Variants in PDE4D observed in about 807,000 individuals in gnomAD.
PDE4D encodes phosphodiesterase 4D.
Under a neutral mutation model 87.4 loss-of-function variants are expected in PDE4D, and 24 were observed. The observed-to-expected ratio is 0.27, with a 90% CI of 0.20 to 0.39. The LOEUF (loss-of-function observed/expected upper bound fraction) is 0.39, where lower values mean the gene tolerates loss of function less well. PDE4D is among the 10% of genes least tolerant of loss of function. The pLI is 1.00. For synonymous variants in PDE4D, 384 were observed against 383.2 expected (o/e 1.00, Z -0.02); for missense variants, 714 against 1,041.0 (o/e 0.69, Z 4.32).
chr5:60,251,330 G>T (rs1294118630), intron 1 of PDE4D, among the ~76,000 whole-genome samples: 5 of 151,794 alleles, frequency 3.3e-5, no homozygotes, highest in Non-Finnish European at 7.4e-5. Flanking sequence ...GGTACCTGCT[G>T]GTTATTTTCC....
chr5:59,410,400 C>T (rs1012550364), intron 1 of PDE4D, among the ~76,000 whole-genome samples: 1 of 152,124 alleles, frequency 6.6e-6, no homozygotes. Context: ...GCATGCACCA[C>T]CATGACTGGC....
At chr5:59,130,266 AC>A (rs1776085924) in intron 5 of PDE4D, among the ~76,000 whole-genome samples, 1 of 152,218 alleles carries the variant, frequency 6.6e-6, no homozygotes, top group Non-Finnish European at 1.5e-5. Flanking sequence ...TCTCCCTGAG[AC>A]AAACATCCAA....
intron 5 of PDE4D, among the ~76,000 whole-genome samples, chr5:59,105,191 C>T (rs1467279981): frequency 6.6e-6 from 1 of 152,182 alleles, no homozygotes; most frequent in Admixed American, 6.5e-5. Context: ...AAGATGTGTG[C>T]TTAACTTAGA....
At chr5:60,198,619 G>C (rs1212878717) in intron 1 of PDE4D, among the ~76,000 whole-genome samples, 1 of 151,548 alleles carries the variant, frequency 6.6e-6, no homozygotes, top group Non-Finnish European at 1.5e-5. Flanking sequence ...CTAACTCTAA[G>C]AAGGCACTCC....
chr5:59,742,030 A>G (rs936712094), intron 1 of PDE4D, among the ~76,000 whole-genome samples: 5 of 152,016 alleles, frequency 3.3e-5, no homozygotes, highest in African/African-American at 7.2e-5. Context: ...ACTGATATCA[A>G]TTATCATCAT....
intron 1 of PDE4D, among the ~76,000 whole-genome samples, chr5:60,396,805 G>T (rs1762915341): frequency 6.6e-6 from 1 of 152,194 alleles, no homozygotes; most frequent in Non-Finnish European, 1.5e-5. Flanking sequence ...CTTAGTCTTA[G>T]GCTTGCTTCT....
At chr5:60,314,464 G>C (rs1755352962) in intron 1 of PDE4D, among the ~76,000 whole-genome samples, 1 of 152,038 alleles carries the variant, frequency 6.6e-6, no homozygotes, top group African/African-American at 2.4e-5. Flanking sequence ...ACTGCACCCG[G>C]CGGACAGTAT....
chr5:59,412,592 T>C (rs571479398), intron 1 of PDE4D, among the ~76,000 whole-genome samples: 18 of 152,326 alleles, frequency 1.2e-4, no homozygotes, highest in Admixed American at 9.8e-4. Flanking sequence ...CATCTCATGC[T>C]TCTACAGGGT....
intron 1 of PDE4D, among the ~76,000 whole-genome samples, chr5:59,327,329 C>T (rs558876755): frequency 4.8e-4 from 73 of 152,088 alleles, no homozygotes; most frequent in African/African-American, 1.7e-3. Flanking sequence ...CATTATAAGT[C>T]TAAGTAAAGA....
At chr5:59,749,159 C>A (rs116371961) in intron 1 of PDE4D, among the ~76,000 whole-genome samples, 313 of 152,312 alleles carry the variant, frequency 2.1e-3, no homozygotes, top group African/African-American at 7.2e-3. Flanking sequence ...GTGTTGTATG[C>A]CACCAATTGG....
At chr5:60,500,480 T>G (rs992815239) in intron 1 of PDE4D, among the ~76,000 whole-genome samples, 1 of 152,352 alleles carries the variant, frequency 6.6e-6, no homozygotes, top group African/African-American at 2.4e-5. Flanking sequence ...GACTCAGTGC[T>G]AAATATCTAT....
At chr5:59,137,817 C>T (rs531372370) in intron 5 of PDE4D, among the ~76,000 whole-genome samples, 3 of 152,344 alleles carry the variant, frequency 2.0e-5, no homozygotes, top group South Asian at 2.1e-4. Flanking sequence ...TAAGCCACCA[C>T]GCCCAGCCTT....
intron 2 of PDE4D, among the ~76,000 whole-genome samples, chr5:60,182,172 G>T (rs1784424917): frequency 6.6e-6 from 1 of 152,182 alleles, no homozygotes. Flanking sequence ...GAAGAAAGGG[G>T]AAAATCATTT....
intron 1 of PDE4D, among the ~76,000 whole-genome samples, chr5:59,830,596 C>T (rs1476244058): frequency 6.6e-6 from 1 of 152,060 alleles, no homozygotes; most frequent in Non-Finnish European, 1.5e-5. Context: ...GTAGCCTTTA[C>T]CAAATACCTT....
chr5:59,405,683 T>C (rs6879049), intron 1 of PDE4D, among the ~76,000 whole-genome samples: 10,297 of 152,246 alleles, frequency 0.068, 946 homozygotes, highest in African/African-American at 0.21. Flanking sequence ...CTGTCATATA[T>C]GGCTTTCCTT....
rs1321846826 is a variant in PDE4D at position 60,122,283 on chromosome 5, C to A, written c.42+63274G>T. Among the ~76,000 whole-genome samples, 5 of 152,310 alleles carry A rather than the reference C, an allele frequency of 3.3e-5. No individual in the cohort carries two copies. The South Asian group carries it at 8.3e-4, about 25-fold the overall frequency. On this transcript the variant is annotated intron_variant, in intron 2 of 16. Transcript: ENST00000502484. ...TCTCATAGCTCCACTAGGCAGTGCC[C>A]CAGTAGGGACTCTGTGTGGAGGCTC...
At position 59,201,054 on chromosome 5, in the gene PDE4D, A is replaced by C. The variant is rs1184011337; in HGVS notation, c.648-7518T>G. Among the ~76,000 whole-genome samples, 7 of 152,218 alleles carry C rather than the reference A, an allele frequency of 4.6e-5. No homozygotes were observed. In the East Asian group the frequency reaches 1.4e-3, roughly 29 times the overall value. On this transcript the variant is annotated intron_variant, in intron 2 of 14. Coordinates refer to ENST00000340635, the MANE Select transcript of PDE4D (RefSeq NM_001104631.2). ...ATTCGGTAATCTCTAAAATTTTTCA[A>C]GTTATGTGAATCCAAATGTATTAAA...
chr5:59,700,013 T>C (rs1454320031), intron 1 of PDE4D, among the ~76,000 whole-genome samples: 2 of 152,174 alleles, frequency 1.3e-5, no homozygotes, highest in Non-Finnish European at 2.9e-5. Flanking sequence ...TTTAATCTAA[T>C]AGTGCATTGA....
chr5:59,686,133 C>T (rs924846841), intron 1 of PDE4D, among the ~76,000 whole-genome samples: 9 of 152,136 alleles, frequency 5.9e-5, no homozygotes, highest in Non-Finnish European at 1.0e-4. Context: ...ACTCTGAGTA[C>T]ACTTCATAGG....
Sources: gnomAD v4.1 joint callset for allele counts (sites outside exome capture counted in the v4.1 genomes callset) on GRCh38, gnomAD v4.1.1 for gene constraint, MANE v1.5 for transcripts, NCBI Gene and HGNC (gene_info 2026-07-23, HGNC 2026-07-21) for gene names.